Variants in CHCHD3 observed in about 807,000 individuals in gnomAD.
The protein encoded by CHCHD3 is coiled-coil-helix-coiled-coil-helix domain containing 3.
CHCHD3 carries 20 observed loss-of-function variants against 38.2 expected under a neutral mutation model. That is an observed-to-expected ratio of 0.52 (90% confidence interval 0.37 to 0.76). The LOEUF (loss-of-function observed/expected upper bound fraction) is 0.76, where lower values mean the gene tolerates loss of function less well. Among genes scored for constraint, CHCHD3 ranks in the 30% least tolerant of loss-of-function variants. The pLI is 0.00. For missense variants in CHCHD3, 245 were observed against 279.2 expected (o/e 0.88, Z 0.87); for synonymous variants, 82 against 100.0 (o/e 0.82, Z 1.07).
At chr7:133,017,807 A>G (rs1169981640) in intron 3 of CHCHD3, among the ~76,000 whole-genome samples, 1 of 152,244 alleles carries the variant, frequency 6.6e-6, no homozygotes, top group African/African-American at 2.4e-5. Context: ...CAATAAGAAT[A>G]AAACAGAGCT....
At chr7:133,075,274 A>G (rs7796713) in intron 1 of CHCHD3, among the ~76,000 whole-genome samples, 147,015 of 152,250 alleles carry the variant, frequency 0.97, 71,204 homozygotes, top group Middle Eastern at 1. Context: ...GTAAGCATGC[A>G]CCAAAGGAGT....
chr7:133,039,147 C>T (rs770115019), intron 2 of CHCHD3, among the ~76,000 whole-genome samples: 1 of 152,066 alleles, frequency 6.6e-6, no homozygotes, highest in Non-Finnish European at 1.5e-5. Flanking sequence ...TTGCTTAGTC[C>T]ATGCACACGC....
chr7:132,909,593 G>T (rs1809890763), intron 4 of CHCHD3, among the ~76,000 whole-genome samples: 1 of 152,116 alleles, frequency 6.6e-6, no homozygotes, highest in Non-Finnish European at 1.5e-5. Flanking sequence ...ATATAGCAGA[G>T]GAATGCTAAA....
chr7:132,848,608 T>C (rs1285663619), intron 5 of CHCHD3, among the ~76,000 whole-genome samples: 5 of 152,210 alleles, frequency 3.3e-5, no homozygotes, highest in Non-Finnish European at 4.4e-5. Flanking sequence ...TATGGTTTTT[T>C]TTAATCAGTA....
In CHCHD3 at chr7:132,933,183, A is replaced by C. The variant is rs570041200; in HGVS notation, c.369+41986T>G. 2.0e-5 allele frequency among the ~76,000 whole-genome samples: 3 copies of C among 152,350 alleles called. No individual in the cohort carries two copies. The South Asian group carries it at 6.2e-4, about 32-fold the overall frequency. ...TTATTTTGCATCAAGGGCAAAATGCAATTTGCACTTATCAACTGAGTCATA... is the reference window on the plus strand; with the variant it reads ...TTATTTTGCATCAAGGGCAAAATGCCATTTGCACTTATCAACTGAGTCATA... On this transcript the variant is annotated intron_variant, in intron 4 of 7. Coordinates refer to ENST00000262570, the MANE Select transcript of CHCHD3 (RefSeq NM_017812.4).
At chr7:132,820,611 GTTTTTT>G (rs748470167) in intron 6 of CHCHD3, among the ~76,000 whole-genome samples, 13 of 96,188 alleles carry the variant, frequency 1.4e-4, no homozygotes, top group East Asian at 3.5e-4. Flanking sequence ...ATGTGCTAGT[GTTTTTT>G]TTTTTTTTTT....
intron 7 of CHCHD3, among the ~76,000 whole-genome samples, chr7:132,787,543 G>T (rs73441224): frequency 0.083 from 12,549 of 151,974 alleles, 554 homozygotes; most frequent in African/African-American, 0.11. Flanking sequence ...TTTTGGGTTT[G>T]TGAGGCAATT....
At chr7:132,850,328 G>A (rs560630782) in intron 5 of CHCHD3, among the ~76,000 whole-genome samples, 30 of 151,742 alleles carry the variant, frequency 2.0e-4, no homozygotes, top group Non-Finnish European at 3.2e-4. Flanking sequence ...TTACCCTTTC[G>A]TTCCATCTTT....
intron 6 of CHCHD3, among the ~76,000 whole-genome samples, chr7:132,814,678 A>G (rs2117056956): frequency 6.6e-6 from 1 of 152,348 alleles, no homozygotes; most frequent in Non-Finnish European, 1.5e-5. Context: ...AAATCACAGT[A>G]TGTGTGGATT....
chr7:132,798,358 T>A (rs1806674976), intron 6 of CHCHD3, among the ~76,000 whole-genome samples: 3 of 152,210 alleles, frequency 2.0e-5, no homozygotes, highest in Admixed American at 2.0e-4. Context: ...TTCAGATGTC[T>A]GTGAATTTTT....
At chr7:133,066,058 T>C (rs959463418) in intron 2 of CHCHD3, among the ~76,000 whole-genome samples, 1 of 151,544 alleles carries the variant, frequency 6.6e-6, no homozygotes, top group Admixed American at 6.6e-5. Flanking sequence ...AGAAATGCCC[T>C]ATATCTACAC....
At chr7:133,015,390 G>A (rs1813002303) in intron 3 of CHCHD3, among the ~76,000 whole-genome samples, 1 of 105,620 alleles carries the variant, frequency 9.5e-6, no homozygotes. Context: ...ATAAATGTCA[G>A]GTATAGCCTA....
At chr7:132,971,818 A>G (rs1339060399) in intron 4 of CHCHD3, among the ~76,000 whole-genome samples, 2 of 152,210 alleles carry the variant, frequency 1.3e-5, no homozygotes, top group East Asian at 3.8e-4. Context: ...ATGCTTGGCC[A>G]TTACTCAAAG....
At chr7:132,926,246 A>G (rs1810374188) in intron 4 of CHCHD3, among the ~76,000 whole-genome samples, 1 of 152,226 alleles carries the variant, frequency 6.6e-6, no homozygotes, top group African/African-American at 2.4e-5. Context: ...CTTATAAGTT[A>G]CTGGTATCAG....
intron 4 of CHCHD3, among the ~76,000 whole-genome samples, chr7:132,892,391 G>C (rs1454146868): frequency 3.4e-4 from 52 of 152,200 alleles, no homozygotes; most frequent in Admixed American, 3.3e-3. Context: ...CTTTGAACTT[G>C]AGAGAGATGA....
chr7:132,899,774 T>C (rs1311268657), intron 4 of CHCHD3, among the ~76,000 whole-genome samples: 1 of 152,248 alleles, frequency 6.6e-6, no homozygotes, highest in Non-Finnish European at 1.5e-5. Context: ...CTCACCTTTC[T>C]GGATCTGTCT....
At chr7:132,985,129 C>G (rs1316159032) in intron 3 of CHCHD3, among the ~76,000 whole-genome samples, 1 of 86,692 alleles carries the variant, frequency 1.2e-5, no homozygotes, top group African/African-American at 4.4e-5. Context: ...AGGGGCGCCT[C>G]TGCCCGGCCG....
At chr7:132,920,642 A>G (rs1810237410) in intron 4 of CHCHD3, among the ~76,000 whole-genome samples, 1 of 152,190 alleles carries the variant, frequency 6.6e-6, no homozygotes, top group Admixed American at 6.5e-5. Context: ...ATGCTGACAG[A>G]ATGCTTTTGT....
chr7:133,079,404 A>C (rs564235058), intron 1 of CHCHD3, among the ~76,000 whole-genome samples: 2 of 152,298 alleles, frequency 1.3e-5, no homozygotes, highest in South Asian at 4.1e-4. Flanking sequence ...ATAGAATCCA[A>C]CCCAGGTCTG....
Sources: allele counts gnomAD v4.1 joint callset (sites outside exome capture counted in the v4.1 genomes callset), GRCh38; gene constraint gnomAD v4.1.1; transcripts MANE v1.5; gene names NCBI Gene and HGNC (gene_info 2026-07-23, HGNC 2026-07-21).